The following ZBTB34 variants were observed in gnomAD, a reference collection of about 807,000 sequenced individuals.
ZBTB34 encodes the protein zinc finger and BTB domain containing 34.
In ZBTB34, 1 loss-of-function variant was observed where a neutral mutation model predicts 33.4. That is an observed-to-expected ratio of 0.03 (90% confidence interval 0.01 to 0.14). ZBTB34 has a LOEUF of 0.14. Ranked by LOEUF, ZBTB34 falls within the 10% of genes least tolerant of loss-of-function variation. The pLI is 1.00. For missense variants in ZBTB34, 406 were observed against 657.2 expected, an observed-to-expected ratio of 0.62 and a Z score of 4.18; for synonymous variants, 283 against 253.5, an observed-to-expected ratio of 1.12 and a Z score of -1.11.
chr9:126,880,939 A>C lies in ZBTB34; in HGVS notation c.*25A>C. On this transcript the variant is annotated 3_prime_UTR_variant, in exon 2 of 2. Coordinates refer to ENST00000319119, the Ensembl canonical transcript of ZBTB34. The surrounding 1 kb of genome is among the most constrained non-coding windows in gnomAD (Gnocchi z 6.7). ...AGATGGTAAAGAAGTGCACCCAAAC[A>C]AAGCACATTAATCAATGCATATTTG... The C allele has an allele frequency of 6.3e-7, 1 of 1,580,640 alleles. No individual in the cohort carries two copies.
chr9:126,861,597 T>C (rs995198014), intron 1 of ZBTB34, among the ~76,000 whole-genome samples: 1 of 152,250 alleles, frequency 6.6e-6, no homozygotes, highest in Non-Finnish European at 1.5e-5. Flanking sequence ...GTGTGGACTT[T>C]TTAAGCCACT....
exon 2 of ZBTB34, chr9:126,885,040 A>G (rs575257955): frequency 2.4e-5 from 4 of 167,222 alleles, no homozygotes; most frequent in Admixed American, 2.0e-4. Flanking sequence ...GAAACTATCT[A>G]GTTCATAAAT....
chr9:126,874,562 A>G (rs1242970782), intron 1 of ZBTB34, among the ~76,000 whole-genome samples: 6 of 152,294 alleles, frequency 3.9e-5, no homozygotes, highest in Admixed American at 1.3e-4. Flanking sequence ...TTATTAATTC[A>G]AATTCTCTAA....
In ZBTB34 at chr9:126,880,066, C is replaced by T. The variant is rs2033414589; in HGVS notation, c.667C>T (p.His223Tyr). Residue 223 changes from histidine to tyrosine, a missense_variant, in exon 2 of 2, where the codon CAT becomes TAT. By Grantham distance (83) the His-to-Tyr change is moderately conservative. Coordinates refer to ENST00000319119, the Ensembl canonical transcript of ZBTB34. The surrounding 1 kb of genome is among the most constrained non-coding windows in gnomAD (Gnocchi z 6.7). ...ATATGAGATTCAGATAGAGGGAGACCATGAGCAAGGAGACCTATTGGTGAG... is the reference window on the plus strand; with the variant it reads ...ATATGAGATTCAGATAGAGGGAGACTATGAGCAAGGAGACCTATTGGTGAG... 1 of 1,613,684 alleles carries T rather than the reference C, an allele frequency of 6.2e-7. No homozygotes were observed. The highest frequency in any genetic ancestry group is 1.3e-5 in the African/African-American group (1 of 75,020).
intron 1 of ZBTB34, among the ~76,000 whole-genome samples, chr9:126,872,094 C>T (rs1234998838): frequency 1.3e-5 from 2 of 152,092 alleles, no homozygotes; most frequent in African/African-American, 4.8e-5. Context: ...TTACAGACGC[C>T]TGCTACCATG....
At chr9:126,885,007 G>A (rs2033501405) in exon 2 of ZBTB34, 1 of 166,778 alleles carries the variant, frequency 6.0e-6, no homozygotes, top group African/African-American at 2.4e-5. Context: ...AAAGTATTGG[G>A]GAATTATGTA....
chr9:126,868,853 G>T (rs777901193), intron 1 of ZBTB34, among the ~76,000 whole-genome samples: 1 of 152,158 alleles, frequency 6.6e-6, no homozygotes, highest in Non-Finnish European at 1.5e-5. Flanking sequence ...TGAGGCTTTC[G>T]CATGTAAAGA....
rs751415850 is a variant in ZBTB34, at chr9:126,879,817, T to A, written c.418T>A (p.Ser140Thr). 1 of 1,613,132 alleles carries A rather than the reference T, an allele frequency of 6.2e-7. No individual in the cohort carries two copies. The highest frequency in any genetic ancestry group is 1.3e-5 in the African/African-American group (1 of 74,916). Residue 140 changes from serine to threonine, a missense_variant, in exon 2 of 2, where the codon TCT becomes ACT. By Grantham distance (58) the Ser-to-Thr change is moderately conservative. This residue lies in a region of ZBTB34 where 137 missense variants were observed against 173.0 expected (regional missense o/e 0.79). Coordinates refer to ENST00000319119, the Ensembl canonical transcript of ZBTB34. The surrounding 1 kb of genome is among the most constrained non-coding windows in gnomAD (Gnocchi z 6.4). ...CAAAATCAGCGTTGGAGATGTTGAC[T>A]CTGTTACCGTCGGTGCTGAAGAGAA...
intron 1 of ZBTB34, among the ~76,000 whole-genome samples, chr9:126,861,251 GC>G (rs1324602360): frequency 6.6e-6 from 1 of 152,228 alleles, no homozygotes; most frequent in African/African-American, 2.4e-5. Flanking sequence ...ACAGGCGGCG[GC>G]GACGGGTTGC....
chr9:126,879,594 A>G lies in ZBTB34; in HGVS notation c.195A>G (p.Ser65=), dbSNP rs185304642. The stretch of plus-strand genomic sequence containing the variant: ...GCTCCCCATATTTCCGGGACCATTC[A>G]GCGTTAAGTACCATGAGTGGCTTGT... The change falls in exon 2 of 2, where the codon TCA becomes TCG. Residue 65 remains serine (S), a synonymous_variant. Transcript: ENST00000319119. This position sits in a 1 kb window ranked among gnomAD's most constrained non-coding sequence, Gnocchi z 6.4. The G allele has an allele frequency of 1.8e-3, 2,861 of 1,613,916 alleles. 8 individuals are homozygous for G. Among genetic ancestry groups the G allele is most frequent in the Non-Finnish European group, 1.8e-3 (2,155 of 1,179,874 alleles).
At chr9:126,866,853 C>G (rs918652177) in intron 1 of ZBTB34, among the ~76,000 whole-genome samples, 1 of 152,152 alleles carries the variant, frequency 6.6e-6, no homozygotes, top group Non-Finnish European at 1.5e-5. Flanking sequence ...TCCCTTCCCT[C>G]TCCTTAGTCC....
Position 126,879,936 on chromosome 9 carries a change from C to T in ZBTB34, c.537C>T (p.Thr179=), listed in dbSNP as rs377201993. The T allele has an allele frequency of 3.3e-5, 54 of 1,613,222 alleles. No homozygotes were observed. The highest frequency in any genetic ancestry group is 2.3e-4 in the African/African-American group (17 of 75,032). ...ATTGCTCTCAGGGACGGCAGCCCAC[C>T]GCAAGCAGTGACCTCCGGATGGAGA... Residue 179 remains threonine (T), a synonymous_variant, in exon 2 of 2, where the codon ACC becomes ACT. Coordinates refer to ENST00000319119, the Ensembl canonical transcript of ZBTB34. This position sits in a 1 kb window ranked among gnomAD's most constrained non-coding sequence, Gnocchi z 6.4.
In ZBTB34 at chr9:126,880,704, G is replaced by T; in HGVS notation, c.1305G>T (p.Glu435Asp). ...CAGATGATAAACCATTCCGCTGTGA[G>T]ATCTGCGGGAAGTGCTTTCCATTCC... The change falls in exon 2 of 2, where the codon GAG becomes GAT. Residue 435 changes from glutamate to aspartate, a missense_variant. Glu to Asp is a conservative substitution (Grantham distance 45). This residue lies in a region of ZBTB34 where 36 missense variants were observed against 109.4 expected (regional missense o/e 0.33). Transcript: ENST00000319119. The surrounding 1 kb of genome is among the most constrained non-coding windows in gnomAD (Gnocchi z 6.7). 1.9e-6 allele frequency: 3 copies of T among 1,613,826 alleles called. No homozygotes were observed. The highest frequency in any genetic ancestry group is 2.5e-6 in the Non-Finnish European group (3 of 1,179,896).
chr9:126,868,102 G>A (rs1161940638), intron 1 of ZBTB34, among the ~76,000 whole-genome samples: 4 of 152,106 alleles, frequency 2.6e-5, no homozygotes, highest in African/African-American at 4.8e-5. Context: ...CATGATGGTC[G>A]CTTGCTCTTC....
intron 1 of ZBTB34, among the ~76,000 whole-genome samples, chr9:126,874,844 A>G (rs2033334003): frequency 6.6e-6 from 1 of 152,168 alleles, no homozygotes; most frequent in Non-Finnish European, 1.5e-5. Context: ...TTAAAATAGC[A>G]GTTGTTCACA....
intron 1 of ZBTB34, among the ~76,000 whole-genome samples, chr9:126,870,082 G>GT (rs1251806131): frequency 2.0e-5 from 3 of 152,188 alleles, no homozygotes; most frequent in African/African-American, 4.8e-5. Context: ...TTTGGGTGTG[G>GT]TTTTTTTGCC....
chr9:126,884,850 G>A (rs1488011142), exon 2 of ZBTB34: 2 of 166,950 alleles, frequency 1.2e-5, no homozygotes, highest in Non-Finnish European at 2.9e-5. Flanking sequence ...TGTTGTCCTC[G>A]TTATTGTTAA....
intron 1 of ZBTB34, among the ~76,000 whole-genome samples, chr9:126,877,434 T>G (rs932738773): frequency 6.6e-6 from 1 of 152,226 alleles, no homozygotes; most frequent in Non-Finnish European, 1.5e-5. Flanking sequence ...TCCATTTAGA[T>G]TTTTTTCTGA....
At position 126,880,369 on chromosome 9, in the gene ZBTB34, G is replaced by T. The variant is rs202100402; in HGVS notation, c.970G>T (p.Ala324Ser). 6.1e-5 allele frequency: 99 copies of T among 1,613,678 alleles called. No homozygotes were observed. The highest frequency in any genetic ancestry group is 7.6e-6 in the Non-Finnish European group (9 of 1,179,864). The change falls in exon 2 of 2, where the codon GCC becomes TCC. Residue 324 changes from alanine (A) to serine (S), a missense_variant. Physicochemically the swap from Ala to Ser is moderately conservative, Grantham distance 99. Transcript: ENST00000319119. This position sits in a 1 kb window ranked among gnomAD's most constrained non-coding sequence, Gnocchi z 6.7. ...GCTGAGCTGTTTCCGAGGAGGGCGT[G>T]CCCGCCAGAAGCGGGCTTTGTCTGT...
Sources: gnomAD v4.1 joint callset for allele counts (sites outside exome capture counted in the v4.1 genomes callset) on GRCh38, gnomAD v4.1.1 for gene constraint, gnomAD v4.1.1 regional missense constraint, Gnocchi (gnomAD v3.1) non-coding constraint, MANE v1.5 for transcripts, NCBI Gene and HGNC (gene_info 2026-07-23, HGNC 2026-07-21) for gene names.